The following RNPC3 variants were observed in gnomAD, a reference collection of about 807,000 sequenced individuals.
RNPC3 encodes RNA-binding region-containing protein 3.
In RNPC3, 48 loss-of-function variants were observed where a neutral mutation model predicts 67.5. That is an observed-to-expected ratio of 0.71 (90% confidence interval 0.56 to 0.90). The LOEUF (loss-of-function observed/expected upper bound fraction) is 0.90. Among genes scored for constraint, RNPC3 ranks in the 40% least tolerant of loss-of-function variants. The probability of loss-of-function intolerance (pLI) is 0.00; values close to 1 mark genes in which losing one functional copy is unlikely to be tolerated. For missense variants in RNPC3, 637 were observed against 626.1 expected, an observed-to-expected ratio of 1.02 and a Z score of -0.19; for synonymous variants, 239 against 210.3, an observed-to-expected ratio of 1.14 and a Z score of -1.18.
chr1:103,537,541 ACT>A, intron 7 of RNPC3, 57 bp downstream of exon 7: 3 of 1,391,400 alleles, frequency 2.2e-6, no homozygotes, highest in Non-Finnish European at 2.9e-6. Context: ...TAAGAAAGAG[ACT>A]CTTGCTCTCC....
chr1:103,532,292 C>T (rs1650877834), intron 2 of RNPC3, among the ~76,000 whole-genome samples: 1 of 152,006 alleles, frequency 6.6e-6, no homozygotes, highest in Admixed American at 6.6e-5. Context: ...AGGAAAGAAG[C>T]ATTAAGGATG....
At position 103,543,321 on chromosome 1, in the gene RNPC3, T is replaced by G; in HGVS notation, c.919T>G (p.Ser307Ala). Residue 307 changes from serine to alanine, a missense_variant, in exon 9 of 15, where the codon TCA (serine) becomes GCA (alanine). By Grantham distance (99) the Ser-to-Ala change is moderately conservative (BLOSUM62 1). Coordinates refer to ENST00000423855, the MANE Select transcript of RNPC3 (RefSeq NM_017619.4). ...CAGTTTACATCCAGTGCTGTTACCTTCAGATGTATTTGACCAACCACAACC... is the reference window on the plus strand; with the variant it reads ...CAGTTTACATCCAGTGCTGTTACCTGCAGATGTATTTGACCAACCACAACC... ...HSSLHPVLLP[S>A]DVFDQPQPVG... is the part of the protein sequence containing the mutation. 3 of 1,497,088 alleles carry G rather than the reference T, an allele frequency of 2.0e-6. No homozygotes were observed. The highest frequency in any genetic ancestry group is 2.7e-6 in the Non-Finnish European group (3 of 1,130,046). The allele number at this position is 1,497,088 out of a possible 1,614,324, so 92.7% of individuals were successfully genotyped here.
chr1:103,550,462 A>G (rs1388255478), intron 12 of RNPC3, among the ~76,000 whole-genome samples: 1 of 151,950 alleles, frequency 6.6e-6, no homozygotes, highest in African/African-American at 2.4e-5. Flanking sequence ...TAACACGGTG[A>G]AACCCCATCT....
At chr1:103,542,046 G>A (rs1469989208) in intron 8 of RNPC3, among the ~76,000 whole-genome samples, 1 of 152,014 alleles carries the variant, frequency 6.6e-6, no homozygotes, top group Non-Finnish European at 1.5e-5. Context: ...TAAATATTGT[G>A]TGTAGTTTGA....
intron 2 of RNPC3, among the ~76,000 whole-genome samples, chr1:103,532,230 G>A (rs1460598084): frequency 6.6e-6 from 1 of 151,994 alleles, no homozygotes; most frequent in African/African-American, 2.4e-5. Context: ...TGATGACTAT[G>A]GCCTTATGGT....
intron 12 of RNPC3, 144 bp from the exon 13 acceptor site, chr1:103,550,797 A>G: frequency 1.4e-6 from 1 of 738,712 alleles, no homozygotes; most frequent in Non-Finnish European, 2.2e-6. Context: ...CATGAAATAT[A>G]TTTTTAGAAA....
At chr1:103,551,696 G>C in intron 13 of RNPC3, 25 bp from the exon 14 acceptor site, 1 of 1,446,398 alleles carries the variant, frequency 6.9e-7, no homozygotes, top group Non-Finnish European at 9.4e-7. Context: ...TATTCATGAA[G>C]GAAACCTTAA....
In RNPC3 at chr1:103,537,424, A is replaced by T. The variant is rs1293107440; in HGVS notation, c.707A>T (p.Asp236Val). 3 of 1,536,476 alleles carry T rather than the reference A, an allele frequency of 2.0e-6. No homozygotes were observed. Among genetic ancestry groups the T allele is most frequent in the East Asian group, 2.4e-5 (1 of 40,898 alleles). Residue 236 changes from aspartate (D) to valine (V), a missense_variant, in exon 7 of 15, where the codon GAT (aspartate) becomes GTT (valine). Around this residue, in one of 3 missense-constraint regions of RNPC3, gnomAD observed 536 missense variants for 500.3 expected, o/e 1.07. Transcript: ENST00000423855. ...PPEEPPLPDE[D>V]EELSSEESEY... ...GAGGAACCTCCTTTGCCAGACGAGG[A>T]TGAGGAATTATCTAGTGAAGAATCA...
intron 9 of RNPC3, among the ~76,000 whole-genome samples, chr1:103,544,184 GTGTA>G (rs1170686928): frequency 6.6e-6 from 1 of 151,750 alleles, no homozygotes; most frequent in Non-Finnish European, 1.5e-5. Context: ...GTTTGTGTGT[GTGTA>G]TGTATGTATC....
chr1:103,549,933 C>CGG (rs371551935), intron 12 of RNPC3, among the ~76,000 whole-genome samples: 34 of 151,842 alleles, frequency 2.2e-4, no homozygotes, highest in Non-Finnish European at 4.4e-4. Flanking sequence ...GAGGCCGAAG[C>CGG]GGGGGGGATC....
intron 12 of RNPC3, among the ~76,000 whole-genome samples, chr1:103,548,447 G>A (rs552569017): frequency 6.6e-6 from 1 of 152,150 alleles, no homozygotes; most frequent in East Asian, 1.9e-4. Context: ...CTAGGTCAGG[G>A]GCAAAATGCC....
At chr1:103,539,592 G>C (rs1420120097) in intron 7 of RNPC3, among the ~76,000 whole-genome samples, 3 of 152,106 alleles carry the variant, frequency 2.0e-5, no homozygotes, top group Non-Finnish European at 4.4e-5. Flanking sequence ...TGTTTACTTA[G>C]GTTTCCATTA....
intron 12 of RNPC3, 88 bp from the exon 13 acceptor site, chr1:103,550,853 T>G (rs1027557275): frequency 7.3e-7 from 1 of 1,366,800 alleles, no homozygotes. Flanking sequence ...CACTTTTATT[T>G]GAAATAGCAA....
At chr1:103,527,091 G>T (rs2101040480) in intron 1 of RNPC3, among the ~76,000 whole-genome samples, 1 of 152,108 alleles carries the variant, frequency 6.6e-6, no homozygotes, top group Middle Eastern at 3.4e-3. Flanking sequence ...GACAAAATTA[G>T]AATGTGCGAT....
chr1:103,549,068 A>G (rs1651316657), intron 12 of RNPC3, among the ~76,000 whole-genome samples: 1 of 152,166 alleles, frequency 6.6e-6, no homozygotes, highest in Non-Finnish European at 1.5e-5. Context: ...CGTTCCTCCC[A>G]TGACACATGG....
Position 103,555,094 on chromosome 1 carries a change from C to T in RNPC3, c.*73C>T, listed in dbSNP as rs998897053. On this transcript the variant is annotated 3_prime_UTR_variant, in exon 15 of 15. Transcript: ENST00000423855. ...AACTTTGAGAGGAAGAAATTGACCA[C>T]CTGGACTATGGAACTGTGCGTAACA... 25 of 151,828 alleles carry T rather than the reference C, an allele frequency of 1.6e-4. No homozygotes were observed. The highest frequency in any genetic ancestry group is 5.8e-4 in the African/African-American group (24 of 41,348). The allele number at this position is 151,828 out of a possible 1,614,324, so 9.4% of individuals were successfully genotyped here. A position where few individuals can be genotyped will look rare whatever the true frequency, so the allele number is the denominator to read the frequency against.
In RNPC3 at chr1:103,526,413, T is replaced by C. The variant is rs116692365; in HGVS notation, c.192+151T>C. Among the ~76,000 whole-genome samples the C allele has an allele frequency of 2.6e-3, 389 of 152,322 alleles. 2 individuals carry two copies. Among genetic ancestry groups the C allele is most frequent in the African/African-American group, 9.0e-3 (375 of 41,572 alleles). On this transcript the variant is annotated intron_variant, in intron 1 of 14. Transcript: ENST00000423855. ...ATCCTACCTCTTTTTTATCAAAATA[T>C]CTGCTCTGCGAAGTGGAGTTTTAAT... is the stretch of plus-strand genomic sequence containing the variant.
chr1:103,534,000 A>T, intron 3 of RNPC3, 143 bp downstream of exon 3: 1 of 593,876 alleles, frequency 1.7e-6, no homozygotes, highest in Non-Finnish European at 3.0e-6. Flanking sequence ...AACCTAGTAC[A>T]GTAAAACAGT....
chr1:103,534,691 T>C (rs1650939566), intron 3 of RNPC3, 83 bp from the exon 4 acceptor site: 1 of 727,628 alleles, frequency 1.4e-6, no homozygotes. Context: ...TAATGACATG[T>C]TTGAAAAGGT....
Sources: allele counts gnomAD v4.1 joint callset (sites outside exome capture counted in the v4.1 genomes callset), GRCh38; gene constraint gnomAD v4.1.1; regional missense constraint gnomAD v4.1.1; transcripts MANE v1.5; gene names NCBI Gene and HGNC (gene_info 2026-07-23, HGNC 2026-07-21).